Variants in SPAG16 observed in about 807,000 individuals in gnomAD.
SPAG16 encodes sperm associated antigen 16.
In SPAG16, 86 loss-of-function variants were observed where a neutral mutation model predicts 80.4. The ratio of observed to expected loss-of-function variants is 1.07; its 90% CI spans 0.90 to 1.28. SPAG16 has a LOEUF of 1.28. Ranked by LOEUF, SPAG16 falls within the 50% of genes most tolerant of loss-of-function variation. SPAG16 has a pLI of 0.00. For synonymous variants in SPAG16, 294 were observed against 265.9 expected, an observed-to-expected ratio of 1.11 and a Z score of -1.03; for missense variants, 870 against 765.3, an observed-to-expected ratio of 1.14 and a Z score of -1.61.
intron 15 of SPAG16, among the ~76,000 whole-genome samples, chr2:214,346,390 T>A (rs1449348994): frequency 6.6e-6 from 1 of 152,220 alleles, no homozygotes; most frequent in Admixed American, 6.5e-5. Context: ...TTATGAAGAA[T>A]GCCTGATTCA....
Position 214,235,914 on chromosome 2 carries a change from A to G in SPAG16, c.1720+86648A>G, listed in dbSNP as rs527927705. Among the ~76,000 whole-genome samples, 6 of 152,300 alleles carry G rather than the reference A, an allele frequency of 3.9e-5. No homozygotes were observed. In the East Asian group the frequency reaches 5.8e-4, roughly 15 times the overall value. ...AGTAGTACAATTAGAATTTGTGTCT[A>G]TCTCTTAGCTTATTTTGAACTAATT... On this transcript the variant is annotated intron_variant, in intron 15 of 15. Transcript: ENST00000331683.
At chr2:213,828,885 G>A (rs1385155438) in intron 10 of SPAG16, among the ~76,000 whole-genome samples, 2 of 152,160 alleles carry the variant, frequency 1.3e-5, no homozygotes, top group African/African-American at 4.8e-5. Context: ...CTCCTGAATA[G>A]AGTCCCTCTC....
chr2:214,172,789 C>T (rs1190021035), intron 15 of SPAG16, among the ~76,000 whole-genome samples: 16 of 152,026 alleles, frequency 1.1e-4, no homozygotes. Context: ...TAATGATCAC[C>T]ATTCTAACTG....
At chr2:214,163,629 T>C (rs893765099) in intron 15 of SPAG16, among the ~76,000 whole-genome samples, 2 of 110,472 alleles carry the variant, frequency 1.8e-5, no homozygotes, top group Non-Finnish European at 4.4e-5. Context: ...CATATATACA[T>C]ATATATATAG....
chr2:214,231,302 G>T (rs1576551854), intron 15 of SPAG16, among the ~76,000 whole-genome samples: 1 of 152,044 alleles, frequency 6.6e-6, no homozygotes, highest in South Asian at 2.1e-4. Flanking sequence ...AATTAATTTT[G>T]CAAGTGGATG....
intron 13 of SPAG16, among the ~76,000 whole-genome samples, chr2:214,043,837 T>C (rs1242104826): frequency 2.6e-5 from 4 of 152,166 alleles, no homozygotes; most frequent in Admixed American, 6.5e-5. Flanking sequence ...TAATACTATA[T>C]ATGTTTATAT....
intron 15 of SPAG16, among the ~76,000 whole-genome samples, chr2:214,356,761 G>A (rs911939866): frequency 6.6e-6 from 1 of 151,730 alleles, no homozygotes; most frequent in East Asian, 1.9e-4. Context: ...ACTTTTATAA[G>A]GTGATATTTT....
chr2:214,069,194 G>C (rs1369753684), intron 13 of SPAG16, among the ~76,000 whole-genome samples: 3 of 152,104 alleles, frequency 2.0e-5, no homozygotes, highest in Admixed American at 6.6e-5. Context: ...TATAAGGCTT[G>C]AGAATGGTTT....
intron 9 of SPAG16, among the ~76,000 whole-genome samples, chr2:213,440,984 G>A (rs1268518926): frequency 6.6e-6 from 1 of 152,148 alleles, no homozygotes; most frequent in East Asian, 1.9e-4. Flanking sequence ...GAAGCTATTT[G>A]CAACACATCT....
chr2:213,359,053 C>T (rs2065831722), intron 7 of SPAG16, among the ~76,000 whole-genome samples: 1 of 152,214 alleles, frequency 6.6e-6, no homozygotes, highest in African/African-American at 2.4e-5. Flanking sequence ...AGGTCCACTC[C>T]AGACCCTGTT....
At chr2:213,573,056 C>T (rs953866644) in intron 10 of SPAG16, among the ~76,000 whole-genome samples, 6 of 152,142 alleles carry the variant, frequency 3.9e-5, no homozygotes, top group Admixed American at 2.0e-4. Flanking sequence ...CCTGACCCCT[C>T]GCGCTTCCCA....
chr2:213,978,154 G>C (rs1399098349), intron 12 of SPAG16, among the ~76,000 whole-genome samples: 2 of 151,424 alleles, frequency 1.3e-5, no homozygotes, highest in East Asian at 3.9e-4. Flanking sequence ...TTCCCGTCTT[G>C]GGACACTGGA....
In SPAG16 at chr2:213,704,933, G is replaced by A. The variant is rs141025209; in HGVS notation, c.1071-157552G>A. Among the ~76,000 whole-genome samples, 579 of 152,180 alleles carry A rather than the reference G, an allele frequency of 3.8e-3. 3 individuals carry two copies. The highest frequency in any genetic ancestry group is 0.013 in the African/African-American group (527 of 41,518). On this transcript the variant is annotated intron_variant, in intron 10 of 15. Transcript: ENST00000331683. ...GAAAAGCGAAGTCTGCCTGAACTACGGTAGTGGCAACAGGAATTAGAAAAA... is the reference window on the plus strand; with the variant it reads ...GAAAAGCGAAGTCTGCCTGAACTACAGTAGTGGCAACAGGAATTAGAAAAA...
intron 10 of SPAG16, among the ~76,000 whole-genome samples, chr2:213,827,769 G>A (rs909275593): frequency 6.6e-6 from 1 of 151,880 alleles, no homozygotes; most frequent in East Asian, 1.9e-4. Flanking sequence ...TTCATGTTTG[G>A]AAGGGCCTGG....
chr2:213,680,957 A>C (rs1012302571), intron 10 of SPAG16, among the ~76,000 whole-genome samples: 4 of 152,230 alleles, frequency 2.6e-5, no homozygotes, highest in Non-Finnish European at 4.4e-5. Flanking sequence ...AACTAGGATC[A>C]ATGGAAAGGA....
chr2:213,534,434 A>G (rs1379945379), intron 10 of SPAG16, among the ~76,000 whole-genome samples: 1 of 152,146 alleles, frequency 6.6e-6, no homozygotes, highest in Non-Finnish European at 1.5e-5. Context: ...GACTTATACA[A>G]AAATGTTAAT....
At chr2:213,445,235 A>G (rs1053258941) in intron 9 of SPAG16, among the ~76,000 whole-genome samples, 1 of 152,246 alleles carries the variant, frequency 6.6e-6, no homozygotes, top group Non-Finnish European at 1.5e-5. Flanking sequence ...GAACGGAAGA[A>G]AATACTTGCA....
intron 10 of SPAG16, among the ~76,000 whole-genome samples, chr2:213,702,520 G>T (rs140957330): frequency 1.3e-5 from 2 of 152,244 alleles, no homozygotes; most frequent in Admixed American, 6.5e-5. Flanking sequence ...GAACTGTAAC[G>T]CCGCGAGGGT....
At chr2:213,305,379 C>T (rs763695531) in intron 3 of SPAG16, among the ~76,000 whole-genome samples, 2 of 152,088 alleles carry the variant, frequency 1.3e-5, no homozygotes, top group African/African-American at 2.4e-5. Flanking sequence ...CTACCTAGGA[C>T]TTCCAGTACT....
Sources: gnomAD v4.1 joint callset for allele counts (sites outside exome capture counted in the v4.1 genomes callset) on GRCh38, gnomAD v4.1.1 for gene constraint, MANE v1.5 for transcripts, NCBI Gene and HGNC (gene_info 2026-07-23, HGNC 2026-07-21) for gene names.